The following PM20D2 variants were observed in gnomAD, a reference collection of about 807,000 sequenced individuals.
The protein encoded by PM20D2 is xaa-Arg dipeptidase.
Under a neutral mutation model 42.9 loss-of-function variants are expected in PM20D2, and 33 were observed. That is an observed-to-expected ratio of 0.77 (90% CI 0.58 to 1.03). The LOEUF is 1.03. Ranked by LOEUF, PM20D2 falls within the 50% of genes least tolerant of loss-of-function variation. The pLI, the probability that PM20D2 is intolerant of heterozygous loss-of-function variation, is 0.00. For synonymous variants in PM20D2, 250 were observed against 228.2 expected, an observed-to-expected ratio of 1.10 and a Z score of -0.86; for missense variants, 548 against 557.0, an observed-to-expected ratio of 0.98 and a Z score of 0.16.
At chr6:89,107,178 C>T in the PM20D2 span, 58 of 1,613,882 alleles carry the variant, frequency 3.6e-5, no homozygotes, top group Admixed American at 5.0e-5. Context: ...TCCTCTTGGG[C>T]GGCGAGTGTA....
the PM20D2 span, among the ~76,000 whole-genome samples, chr6:89,095,230 TTTTA>T: frequency 3.3e-5 from 5 of 152,214 alleles, no homozygotes; most frequent in African/African-American, 4.8e-5. Flanking sequence ...GAAATTATAA[TTTTA>T]TTTATTTTTG....
At chr6:89,116,884 T>C in the PM20D2 span, among the ~76,000 whole-genome samples, 1 of 152,146 alleles carries the variant, frequency 6.6e-6, no homozygotes, top group South Asian at 2.1e-4. Flanking sequence ...GCTCCATGTA[T>C]CTATACCTCT....
At chr6:89,122,263 A>G in the PM20D2 span, among the ~76,000 whole-genome samples, 10 of 152,310 alleles carry the variant, frequency 6.6e-5, no homozygotes, top group Admixed American at 2.6e-4. Flanking sequence ...TCTATTCTGA[A>G]TGGTACAGGA....
intron 2 of PM20D2, among the ~76,000 whole-genome samples, chr6:89,151,749 A>G (rs1161315964): frequency 1.3e-5 from 2 of 152,148 alleles, no homozygotes; most frequent in Non-Finnish European, 2.9e-5. Flanking sequence ...AAATAATTCC[A>G]TATAATCCTT....
the PM20D2 span, among the ~76,000 whole-genome samples, chr6:89,126,213 AG>A: frequency 6.6e-6 from 1 of 152,158 alleles, no homozygotes; most frequent in African/African-American, 2.4e-5. Context: ...TGGGCAACAA[AG>A]TGAGACCCCG....
At chr6:89,125,197 C>A in the PM20D2 span, among the ~76,000 whole-genome samples, 2 of 152,134 alleles carry the variant, frequency 1.3e-5, no homozygotes, top group African/African-American at 4.8e-5. Context: ...AAAAGTATTT[C>A]TCACCGGGCG....
chr6:89,158,530 G>A, intron 5 of PM20D2, 70 bp downstream of exon 5: 2 of 1,533,258 alleles, frequency 1.3e-6, no homozygotes, highest in Non-Finnish European at 8.8e-7. Context: ...TAAATTGGTT[G>A]TATTTAATGG....
rs765884605 is a variant in PM20D2, at chr6:89,158,396, G to A, written c.984G>A (p.Met328Ile). The part of the protein sequence containing the change: ...LPNKSLWKAY[M>I]ENGRKLGIEF... The stretch of plus-strand genomic sequence containing the variant: ...ATAAGAGCCTATGGAAAGCCTATAT[G>A]GAAAATGGAAGAAAGCTAGGAATAG... The change falls in exon 5 of 7, where the codon ATG becomes ATA. Residue 328 changes from methionine (M) to isoleucine (I), a missense_variant. Around this residue, in one of 3 missense-constraint regions of PM20D2, gnomAD observed 470 missense variants for 464.4 expected, o/e 1.01. Coordinates refer to ENST00000275072, the MANE Select transcript of PM20D2 (RefSeq NM_001010853.3). 1.2e-5 allele frequency: 19 copies of A among 1,612,560 alleles called. No individual in the cohort carries two copies. Among genetic ancestry groups the A allele is most frequent in the Non-Finnish European group, 1.6e-5 (19 of 1,179,444 alleles).
the PM20D2 span, chr6:89,106,928 GC>G: frequency 1.8e-6 from 1 of 565,240 alleles, no homozygotes; most frequent in Admixed American, 2.2e-5. Context: ...AACTTTAGGT[GC>G]CTTTTGTCTC....
chr6:89,125,490 C>G, the PM20D2 span, among the ~76,000 whole-genome samples: 1 of 149,150 alleles, frequency 6.7e-6, no homozygotes, highest in African/African-American at 2.5e-5. Context: ...AAAAAAAAAA[C>G]CATTTCTCAG....
the PM20D2 span, chr6:89,117,904 C>T: frequency 1.3e-6 from 2 of 1,557,986 alleles, no homozygotes; most frequent in African/African-American, 2.8e-5. Flanking sequence ...TTCCTCCGTT[C>T]CCTCCGGGTC....
chr6:89,117,587 G>A, the PM20D2 span, among the ~76,000 whole-genome samples: 1 of 152,190 alleles, frequency 6.6e-6, no homozygotes, highest in South Asian at 2.1e-4. Flanking sequence ...GCGGGCCCGG[G>A]ACACGATGTG....
At chr6:89,103,954 T>G in the PM20D2 span, among the ~76,000 whole-genome samples, 4 of 151,512 alleles carry the variant, frequency 2.6e-5, no homozygotes, top group South Asian at 8.3e-4. Flanking sequence ...ACATTAACTT[T>G]AGTCAACCAC....
chr6:89,125,246 C>T, the PM20D2 span, among the ~76,000 whole-genome samples: 1 of 152,046 alleles, frequency 6.6e-6, no homozygotes, highest in South Asian at 2.1e-4. Context: ...TTTGGCAGGC[C>T]GAGGTGGGCG....
chr6:89,120,409 TG>T, the PM20D2 span, among the ~76,000 whole-genome samples: 2 of 152,154 alleles, frequency 1.3e-5, no homozygotes, highest in Non-Finnish European at 2.9e-5. Context: ...CATGTATTTT[TG>T]GGGGCCGCCA....
chr6:89,145,024 C>G (rs746940665), upstream of PM20D2, among the ~76,000 whole-genome samples: 1 of 152,148 alleles, frequency 6.6e-6, no homozygotes, highest in East Asian at 1.9e-4. Context: ...TCAAAATATT[C>G]ATTTGGTTTA....
chr6:89,098,581 C>T, the PM20D2 span: 2 of 1,607,268 alleles, frequency 1.2e-6, no homozygotes, highest in Non-Finnish European at 1.7e-6. Context: ...TTGCTGTTCA[C>T]CAACTGTTTT....
At chr6:89,155,751 C>G (rs748026193) in intron 4 of PM20D2, among the ~76,000 whole-genome samples, 16 of 152,154 alleles carry the variant, frequency 1.1e-4, no homozygotes, top group Non-Finnish European at 2.4e-4. Context: ...CTCTATTGCC[C>G]AGGCTGGAGC....
intron 4 of PM20D2, among the ~76,000 whole-genome samples, chr6:89,157,475 T>G (rs1771088794): frequency 6.6e-6 from 1 of 152,242 alleles, no homozygotes; most frequent in African/African-American, 2.4e-5. Context: ...CGTATCTTTA[T>G]ATACTGAAAT....
Sources: gnomAD v4.1 joint callset for allele counts (sites outside exome capture counted in the v4.1 genomes callset) on GRCh38, gnomAD v4.1.1 for gene constraint, gnomAD v4.1.1 regional missense constraint, MANE v1.5 for transcripts, NCBI Gene and HGNC (gene_info 2026-07-23, HGNC 2026-07-21) for gene names.